The following ADAMTSL1 variants were observed in gnomAD, a reference collection of about 807,000 sequenced individuals.
ADAMTSL1 encodes ADAMTS like 1.
A neutral mutation model predicts 201.8 loss-of-function variants in ADAMTSL1; 126 were observed. That is an observed-to-expected ratio of 0.62 (90% CI 0.54 to 0.72). The LOEUF (loss-of-function observed/expected upper bound fraction) is 0.72. Among genes scored for constraint, ADAMTSL1 ranks in the 30% least tolerant of loss-of-function variants. The pLI is 0.00. For missense variants in ADAMTSL1, 2,679 were observed against 2,277.8 expected, an observed-to-expected ratio of 1.18 and a Z score of -3.59; for synonymous variants, 1,121 against 903.4, an observed-to-expected ratio of 1.24 and a Z score of -4.32.
chr9:18,867,528 T>TCAC (rs1465992322), intron 23 of ADAMTSL1, among the ~76,000 whole-genome samples: 4 of 152,326 alleles, frequency 2.6e-5, no homozygotes, highest in African/African-American at 9.6e-5. Context: ...CATGCCCTAA[T>TCAC]CACCACCTTC....
chr9:18,612,140 G>T (rs1490997570), intron 4 of ADAMTSL1, among the ~76,000 whole-genome samples: 1 of 152,192 alleles, frequency 6.6e-6, no homozygotes, highest in East Asian at 1.9e-4. Context: ...AGGTACACTT[G>T]GAAATAATGA....
chr9:18,207,399 A>G (rs1217519718), intron 2 of ADAMTSL1, among the ~76,000 whole-genome samples: 1 of 152,196 alleles, frequency 6.6e-6, no homozygotes, highest in African/African-American at 2.4e-5. Flanking sequence ...AGGTTCAGTA[A>G]CTTGCCTAAA....
At chr9:18,348,534 A>G (rs1333641798) in intron 2 of ADAMTSL1, among the ~76,000 whole-genome samples, 1 of 152,250 alleles carries the variant, frequency 6.6e-6, no homozygotes, top group Non-Finnish European at 1.5e-5. Context: ...CGTAATGAGT[A>G]GATTCTAAAA....
At chr9:17,982,310 G>C (rs1195162233) in intron 1 of ADAMTSL1, among the ~76,000 whole-genome samples, 10 of 152,078 alleles carry the variant, frequency 6.6e-5, no homozygotes, top group Admixed American at 6.6e-4. Flanking sequence ...GAAAGACTAT[G>C]AATACAATTA....
At chr9:18,083,624 A>G (rs1823612741) in intron 1 of ADAMTSL1, among the ~76,000 whole-genome samples, 1 of 152,246 alleles carries the variant, frequency 6.6e-6, no homozygotes, top group Admixed American at 6.5e-5. Flanking sequence ...ACTCACAGTC[A>G]TCTGGAATTC....
In ADAMTSL1 at chr9:18,163,396, C is replaced by G. The variant is rs949439615; in HGVS notation, c.88-466C>G. Among the ~76,000 whole-genome samples, 4 of 151,952 alleles carry G rather than the reference C, an allele frequency of 2.6e-5. 1 individual carries two copies. Among genetic ancestry groups the G allele is most frequent in the Non-Finnish European group, 5.9e-5 (4 of 67,940 alleles). On this transcript the variant is annotated intron_variant, in intron 1 of 29. Transcript: ENST00000680146. Reference sequence around the variant, plus strand: ...TCTGGTTCTAAAGCACTTGAATAGCCCAGGAAGTCAGTTCTGGGCTCAGGC... The same window carrying G: ...TCTGGTTCTAAAGCACTTGAATAGCGCAGGAAGTCAGTTCTGGGCTCAGGC...
intron 14 of ADAMTSL1, among the ~76,000 whole-genome samples, chr9:18,711,888 A>AT (rs1832631559): frequency 2.6e-5 from 4 of 151,682 alleles, no homozygotes; most frequent in Admixed American, 1.3e-4. Flanking sequence ...CCCAGCATGC[A>AT]GCTGGAGATC....
intron 1 of ADAMTSL1, among the ~76,000 whole-genome samples, chr9:18,110,467 C>A (rs1445934734): frequency 6.6e-6 from 1 of 152,148 alleles, no homozygotes; most frequent in Non-Finnish European, 1.5e-5. Flanking sequence ...AGGGATAAAG[C>A]CCTAAGATAA....
intron 2 of ADAMTSL1, among the ~76,000 whole-genome samples, chr9:18,180,042 A>C (rs1274940838): frequency 2.6e-5 from 4 of 152,180 alleles, no homozygotes; most frequent in Non-Finnish European, 5.9e-5. Flanking sequence ...CTTTAAATAT[A>C]AATGGACTAA....
intron 15 of ADAMTSL1, among the ~76,000 whole-genome samples, chr9:18,733,640 C>T (rs1818344503): frequency 1.5e-5 from 2 of 132,326 alleles, no homozygotes; most frequent in Admixed American, 1.6e-4. Context: ...CCCCCACACA[C>T]ACACTCACTC....
intron 3 of ADAMTSL1, among the ~76,000 whole-genome samples, chr9:18,536,232 G>A (rs889240932): frequency 2.6e-5 from 4 of 152,144 alleles, no homozygotes. Context: ...TTTGTTAGGT[G>A]CTTGATTTGG....
intron 2 of ADAMTSL1, among the ~76,000 whole-genome samples, chr9:18,324,033 T>C (rs74614115): frequency 0.031 from 4,713 of 152,172 alleles, 121 homozygotes; most frequent in African/African-American, 0.071. Flanking sequence ...ACTTTTGAAA[T>C]GAAGAATGAG....
At position 18,284,904 on chromosome 9, in the gene ADAMTSL1, C is replaced by T. The variant is rs560394159; in HGVS notation, c.207+120923C>T. ...TCATATTAATGGCAGTTTAGTGTTT[C>T]ATTGTGTAGATGTGCCACAGTCTGT... On this transcript the variant is annotated intron_variant, in intron 2 of 29. Transcript: ENST00000680146. Among the ~76,000 whole-genome samples, 4 of 152,190 alleles carry T rather than the reference C, an allele frequency of 2.6e-5. No homozygotes were observed. The South Asian group carries it at 8.3e-4, about 32-fold the overall frequency.
intron 1 of ADAMTSL1, among the ~76,000 whole-genome samples, chr9:17,988,825 A>C (rs1338686464): frequency 6.6e-6 from 1 of 151,958 alleles, no homozygotes; most frequent in African/African-American, 2.4e-5. Flanking sequence ...CTTTATGTGA[A>C]AATTGGTAAC....
At chr9:18,254,796 T>A (rs970547357) in intron 2 of ADAMTSL1, among the ~76,000 whole-genome samples, 3 of 152,084 alleles carry the variant, frequency 2.0e-5, no homozygotes, top group African/African-American at 7.2e-5. Context: ...TTATTAGCTA[T>A]GTGGCAAGAA....
chr9:18,395,147 G>A (rs1297540254), intron 2 of ADAMTSL1, among the ~76,000 whole-genome samples: 1 of 152,150 alleles, frequency 6.6e-6, no homozygotes, highest in Non-Finnish European at 1.5e-5. Flanking sequence ...CTGTTGCCAG[G>A]TGTTTGAGTA....
At chr9:18,074,377 G>T (rs1333319569) in intron 1 of ADAMTSL1, among the ~76,000 whole-genome samples, 1 of 152,162 alleles carries the variant, frequency 6.6e-6, no homozygotes, top group Non-Finnish European at 1.5e-5. Flanking sequence ...GAAACGAAGA[G>T]TATGTTGTCT....
At chr9:18,749,058 A>G (rs1458585658) in intron 15 of ADAMTSL1, among the ~76,000 whole-genome samples, 2 of 152,230 alleles carry the variant, frequency 1.3e-5, no homozygotes, top group South Asian at 2.1e-4. Context: ...CTTTTCTTAT[A>G]AAAAACACAG....
At chr9:18,794,577 C>G (rs184967319) in intron 19 of ADAMTSL1, among the ~76,000 whole-genome samples, 138 of 152,016 alleles carry the variant, frequency 9.1e-4, no homozygotes, top group Non-Finnish European at 1.7e-3. Context: ...TTGGCTTTTT[C>G]TCTTCTACCT....
Sources: gnomAD v4.1 joint callset for allele counts (sites outside exome capture counted in the v4.1 genomes callset) on GRCh38, gnomAD v4.1.1 for gene constraint, MANE v1.5 for transcripts, NCBI Gene and HGNC (gene_info 2026-07-23, HGNC 2026-07-21) for gene names.